The following XKR5 variants were observed in gnomAD, a reference collection of about 807,000 sequenced individuals.
The protein encoded by XKR5 is XK related 5, also known as XK-related protein 5.
Under a neutral mutation model 40.8 loss-of-function variants are expected in XKR5, and 46 were observed. That is an observed-to-expected ratio of 1.13 (90% CI 0.89 to 1.44). XKR5 has a LOEUF of 1.44. Ranked by LOEUF, XKR5 falls within the 40% of genes most tolerant of loss-of-function variation. The pLI, the probability that XKR5 is intolerant of heterozygous loss-of-function variation, is 0.00. For synonymous variants in XKR5, 466 were observed against 356.1 expected, an observed-to-expected ratio of 1.31 and a Z score of -3.48; for missense variants, 1,169 against 844.7, an observed-to-expected ratio of 1.38 and a Z score of -4.76.
intron 2 of XKR5, 80 bp downstream of exon 2, chr8:6,832,637 A>G (rs924134913): frequency 6.4e-7 from 1 of 1,557,562 alleles, no homozygotes; most frequent in South Asian, 1.2e-5. Context: ...GCTTGAGGAC[A>G]GAATCCACAT....
chr8:6,818,627 C>T (rs1436631666), intron 5 of XKR5, among the ~76,000 whole-genome samples: 1 of 152,234 alleles, frequency 6.6e-6, no homozygotes, highest in Non-Finnish European at 1.5e-5. Context: ...TGAGCTAGGC[C>T]AGTCATAGTG....
rs181537283 is a variant in XKR5, at chr8:6,825,874, G to A, written c.243-525C>T. Among the ~76,000 whole-genome samples the A allele has an allele frequency of 3.8e-4, 58 of 152,342 alleles. 1 individual carries two copies. On this transcript the variant is annotated intron_variant, in intron 2 of 6. Coordinates refer to ENST00000618742, the MANE Select transcript of XKR5 (RefSeq NM_207411.5). ...AGAGCAGACAGGGAAGAAGGATCTGGAGGCTTTGCTGGGGAGTGGCCAGAG... is the reference window on the plus strand; with the variant it reads ...AGAGCAGACAGGGAAGAAGGATCTGAAGGCTTTGCTGGGGAGTGGCCAGAG...
chr8:6,832,575 A>T (rs1804818399), intron 2 of XKR5, 142 bp downstream of exon 2: 5 of 987,114 alleles, frequency 5.1e-6, no homozygotes, highest in African/African-American at 1.7e-5. Flanking sequence ...ATATCAGAGC[A>T]GGGGTTTGCT....
intron 5 of XKR5, 75 bp from the exon 6 acceptor site, chr8:6,815,993 C>T (rs71525769): frequency 0.093 from 103,234 of 1,114,496 alleles, 11,573 homozygotes; most frequent in East Asian, 0.48. Flanking sequence ...CGTGAGTCTG[C>T]AGCGGCTCCC....
chr8:6,811,478 G>C lies in XKR5; in HGVS notation c.1781C>G (p.Thr594Ser). 5 of 1,529,560 alleles carry C rather than the reference G, an allele frequency of 3.3e-6. No individual in the cohort carries two copies. Among genetic ancestry groups the C allele is most frequent in the African/African-American group, 1.4e-5 (1 of 72,998 alleles). The allele number at this position is 1,529,560 out of a possible 1,614,324, so 94.7% of individuals were successfully genotyped here. A position where few individuals can be genotyped will look rare whatever the true frequency, so the allele number is the denominator to read the frequency against. Residue 594 changes from threonine to serine, a missense_variant, in exon 7 of 7, where the codon ACC becomes AGC. By Grantham distance (58) the Thr-to-Ser change is moderately conservative. Coordinates refer to ENST00000618742, the MANE Select transcript of XKR5 (RefSeq NM_207411.5). ...HPVGLAPFPDTMADISPILGT... is the reference protein window; with the variant it reads ...HPVGLAPFPDSMADISPILGT... ...TAGGATGGGGCTAATGTCGGCCATG[G>C]TGTCGGGGAAGGGCGCCAAGCCCAC...
Position 6,821,919 on chromosome 8 carries a change from G to C in XKR5, c.757C>G (p.Leu253Val), listed in dbSNP as rs376835840. ...CTAGAAGGGCTGTCCCAGAAGCTGA[G>C]GTAGCAGAGGATGTACACGGCCCCC... ...LVGAVYILCY[L>V]SFWDSPSRNR... Residue 253 changes from leucine to valine, a missense_variant, in exon 5 of 7, where the codon CTC (leucine) becomes GTC (valine). By Grantham distance (32) the Leu-to-Val change is conservative (BLOSUM62 1). Transcript: ENST00000618742. 1.5e-5 allele frequency: 24 copies of C among 1,613,332 alleles called. No homozygotes were observed. In the African/African-American group the frequency reaches 2.5e-4, roughly 17 times the overall value.
At chr8:6,813,917 A>C (rs1055000835) in intron 6 of XKR5, among the ~76,000 whole-genome samples, 5 of 152,166 alleles carry the variant, frequency 3.3e-5, no homozygotes, top group Admixed American at 6.5e-5. Context: ...TAAAATCCAG[A>C]AAGTAGATGA....
At chr8:6,835,384 G>C (rs1804967138) in intron 1 of XKR5, 52 bp downstream of exon 1, 4 of 1,365,986 alleles carry the variant, frequency 2.9e-6, no homozygotes, top group Non-Finnish European at 3.8e-6. Flanking sequence ...CCGGCGCCGG[G>C]GTGGGGTTAG....
chr8:6,819,306 C>T (rs957029311), intron 5 of XKR5, among the ~76,000 whole-genome samples: 7 of 152,220 alleles, frequency 4.6e-5, no homozygotes, highest in African/African-American at 1.7e-4. Context: ...GCACCCTCCG[C>T]AGAAGGTAAT....
At chr8:6,825,019 A>C (rs996677689) in intron 3 of XKR5, 146 bp downstream of exon 3, 1 of 891,774 alleles carries the variant, frequency 1.1e-6, no homozygotes, top group African/African-American at 1.7e-5. Flanking sequence ...AGCCAGTTTT[A>C]AGCATCATCT....
chr8:6,821,486 T>G (rs1384077641), intron 5 of XKR5, among the ~76,000 whole-genome samples: 1 of 152,232 alleles, frequency 6.6e-6, no homozygotes, highest in Non-Finnish European at 1.5e-5. Flanking sequence ...TGATACTCTC[T>G]AGGGCCATGC....
intron 2 of XKR5, among the ~76,000 whole-genome samples, chr8:6,832,095 A>C (rs1350910574): frequency 1.3e-5 from 2 of 151,662 alleles, no homozygotes; most frequent in East Asian, 3.9e-4. Flanking sequence ...TGTGCCCTTG[A>C]TATAAACTCA....
intron 5 of XKR5, among the ~76,000 whole-genome samples, chr8:6,818,852 G>A (rs1035392195): frequency 4.6e-5 from 7 of 152,204 alleles, no homozygotes; most frequent in African/African-American, 1.4e-4. Flanking sequence ...ACTGCCAGGC[G>A]GTGGCCTGTT....
rs1218221517 is a variant in XKR5 at position 6,823,738 on chromosome 8, G to A, written c.428-8C>T. 1.3e-6 allele frequency: 2 copies of A among 1,560,784 alleles called. No individual in the cohort carries two copies. Among genetic ancestry groups the A allele is most frequent in the African/African-American group, 1.4e-5 (1 of 73,652 alleles). Reference sequence around the variant, plus strand: ...AAAACAGGGTGCTCACCCCTGAAAGGGAAGCAGAAAGATGTGGTATGCTCT... The same window carrying A: ...AAAACAGGGTGCTCACCCCTGAAAGAGAAGCAGAAAGATGTGGTATGCTCT... On this transcript the variant is annotated splice_polypyrimidine_tract_variant and splice_region_variant and intron_variant, in intron 3 of 6. Transcript: ENST00000618742.
intron 2 of XKR5, among the ~76,000 whole-genome samples, chr8:6,827,467 G>A (rs1162805841): frequency 1.3e-5 from 2 of 152,094 alleles, no homozygotes; most frequent in African/African-American, 4.8e-5. Context: ...GAAGATTCGG[G>A]GACTCCTCTT....
chr8:6,817,351 C>G (rs996267551), intron 5 of XKR5, among the ~76,000 whole-genome samples: 2 of 152,196 alleles, frequency 1.3e-5, no homozygotes, highest in African/African-American at 4.8e-5. Context: ...CTGGGGTCAT[C>G]TTCCAGCATG....
At position 6,811,235 on chromosome 8, in the gene XKR5, C is replaced by T. The variant is rs1803663807; in HGVS notation, c.2024G>A (p.Arg675Lys). 1 of 1,537,276 alleles carries T rather than the reference C, an allele frequency of 6.5e-7. No individual in the cohort carries two copies. The highest frequency in any genetic ancestry group is 1.4e-5 in the African/African-American group (1 of 73,174). ...SESIQTDCSCREQMKQEPSFF... is the reference protein window; with the variant it reads ...SESIQTDCSCKEQMKQEPSFF... ...ACTCGGCTCTTGCTTCATCTGTTCC[C>T]TGCAGCTGCAGTCCGTTTGGATAGA... Residue 675 changes from arginine (R) to lysine (K), a missense_variant, in exon 7 of 7, where the codon AGG (arginine) becomes AAG (lysine). Transcript: ENST00000618742.
chr8:6,822,100 A>T, intron 4 of XKR5, 62 bp from the exon 5 acceptor site: 1 of 1,498,844 alleles, frequency 6.7e-7, no homozygotes, highest in Non-Finnish European at 8.9e-7. Flanking sequence ...ACAGGCAAGG[A>T]CACAGAGACC....
At chr8:6,826,004 G>C (rs555141305) in intron 2 of XKR5, among the ~76,000 whole-genome samples, 2 of 152,230 alleles carry the variant, frequency 1.3e-5, no homozygotes, top group South Asian at 4.2e-4. Context: ...TTTTGCTCTG[G>C]AAAAATGAAT....
Sources: allele counts gnomAD v4.1 joint callset (sites outside exome capture counted in the v4.1 genomes callset), GRCh38; gene constraint gnomAD v4.1.1; transcripts MANE v1.5; gene names NCBI Gene and HGNC (gene_info 2026-07-23, HGNC 2026-07-21).